Variants in ABCD2 observed in about 807,000 individuals in gnomAD.
ABCD2 encodes the protein ATP binding cassette subfamily D member 2.
In ABCD2, 36 loss-of-function variants were observed where a neutral mutation model predicts 70.9. The observed-to-expected ratio is 0.51, with a 90% CI of 0.39 to 0.67. The LOEUF (loss-of-function observed/expected upper bound fraction) is 0.67. Ranked by LOEUF, ABCD2 falls within the 30% of genes least tolerant of loss-of-function variation. ABCD2 has a pLI of 0.00. For missense variants in ABCD2, 729 were observed against 890.2 expected, an observed-to-expected ratio of 0.82 and a Z score of 2.30; for synonymous variants, 304 against 306.9, an observed-to-expected ratio of 0.99 and a Z score of 0.10.
At chr12:39,602,758 G>T (rs1266752162) in intron 5 of ABCD2, among the ~76,000 whole-genome samples, 1 of 151,934 alleles carries the variant, frequency 6.6e-6, no homozygotes, top group Non-Finnish European at 1.5e-5. Flanking sequence ...AGTGTGATAT[G>T]CCCACACTAA....
intron 9 of ABCD2, among the ~76,000 whole-genome samples, chr12:39,561,518 T>C (rs1009649568): frequency 2.0e-5 from 3 of 152,138 alleles, no homozygotes; most frequent in African/African-American, 7.2e-5. Context: ...AAAAGATATT[T>C]TATCCAAATG....
At chr12:39,610,422 A>G (rs1334121050) in intron 2 of ABCD2, among the ~76,000 whole-genome samples, 1 of 152,218 alleles carries the variant, frequency 6.6e-6, no homozygotes, top group African/African-American at 2.4e-5. Context: ...TTACATAAAT[A>G]GACTGGGAAC....
At chr12:39,565,101 T>C (rs951387328) in intron 9 of ABCD2, among the ~76,000 whole-genome samples, 6 of 152,230 alleles carry the variant, frequency 3.9e-5, no homozygotes, top group African/African-American at 7.2e-5. Flanking sequence ...AGGATCGACT[T>C]GGCAATATGG....
Position 39,618,748 on chromosome 12 carries a change from C to T in ABCD2, c.868G>A (p.Gly290Ser). The change falls in exon 1 of 10, where the codon GGC (glycine) becomes AGC (serine). Residue 290 changes from glycine (G) to serine (S), a missense_variant. Gly to Ser is a moderately conservative substitution (Grantham distance 56). Transcript: ENST00000308666. ...CTCGAGTGCACATACCGCAAATAGCCTTTTCTATGTGCTTCCTCTGCCACC... is the reference window on the plus strand; with the variant it reads ...CTCGAGTGCACATACCGCAAATAGCTTTTTCTATGTGCTTCCTCTGCCACC... ...KLVAEEAHRK[G>S]YLRYVHSRII... The T allele has an allele frequency of 3.1e-6, 5 of 1,614,180 alleles. No individual in the cohort carries two copies. The highest frequency in any genetic ancestry group is 4.2e-6 in the Non-Finnish European group (5 of 1,180,030).
At chr12:39,585,908 CTG>C (rs1941658166) in intron 7 of ABCD2, among the ~76,000 whole-genome samples, 2 of 152,078 alleles carry the variant, frequency 1.3e-5, no homozygotes, top group Admixed American at 6.6e-5. Context: ...AAGAAAAAAA[CTG>C]TTTTTAAATG....
intron 9 of ABCD2, among the ~76,000 whole-genome samples, chr12:39,554,912 T>A (rs1941139663): frequency 6.6e-6 from 1 of 152,296 alleles, no homozygotes; most frequent in South Asian, 2.1e-4. Flanking sequence ...TATTCTTATG[T>A]GTCCTCAATT....
intron 6 of ABCD2, among the ~76,000 whole-genome samples, chr12:39,589,662 C>G (rs1034391124): frequency 1.2e-4 from 18 of 152,072 alleles, no homozygotes; most frequent in African/African-American, 4.1e-4. Context: ...GCTGGGATTA[C>G]AGGTGTGAGC....
intron 9 of ABCD2, among the ~76,000 whole-genome samples, chr12:39,566,224 C>T (rs932718302): frequency 6.6e-6 from 1 of 152,106 alleles, no homozygotes; most frequent in African/African-American, 2.4e-5. Context: ...CTCCTTGTAC[C>T]TCTGGTAGAA....
chr12:39,587,303 A>G (rs1234462061), intron 6 of ABCD2, among the ~76,000 whole-genome samples: 2 of 152,200 alleles, frequency 1.3e-5, no homozygotes, highest in African/African-American at 4.8e-5. Flanking sequence ...GCAAAATGCA[A>G]AAGTAGACTT....
chr12:39,603,467 A>G (rs1941928113), intron 5 of ABCD2, among the ~76,000 whole-genome samples: 1 of 152,134 alleles, frequency 6.6e-6, no homozygotes, highest in South Asian at 2.1e-4. Context: ...TTATTTTATA[A>G]TAGTACATTA....
rs1253350593 is a variant in ABCD2, at chr12:39,551,578, A to G, written c.*2334T>C. The G allele has an allele frequency of 1.3e-5, 2 of 151,826 alleles. No homozygotes were observed. The highest frequency in any genetic ancestry group is 2.4e-5 in the African/African-American group (1 of 41,420). The allele number at this position is 151,826 out of a possible 1,614,324, so 9.4% of individuals were successfully genotyped here. On this transcript the variant is annotated 3_prime_UTR_variant, in exon 10 of 10. Transcript: ENST00000308666. ...AAGTTAAGGATGTTGGTCCTGAAAA[A>G]TAAATTCAGAAAACAAATAGGCACA...
rs550326502 is a variant in ABCD2, at chr12:39,563,180, A to G, written c.2004-9049T>C. ...CATAGCTCAACAAAATAAAGACCATATGTGACAAGCCCACAGCTAACATCT... is the reference window on the plus strand; with the variant it reads ...CATAGCTCAACAAAATAAAGACCATGTGTGACAAGCCCACAGCTAACATCT... On this transcript the variant is annotated intron_variant, in intron 9 of 9. Transcript: ENST00000308666. Among the ~76,000 whole-genome samples the G allele has an allele frequency of 2.2e-4, 33 of 152,284 alleles. No homozygotes were observed. The South Asian group carries it at 6.8e-3, about 32-fold the overall frequency.
chr12:39,619,420 G>A lies in ABCD2; in HGVS notation c.196C>T (p.Leu66=), dbSNP rs754020573. ...TCACAAATGGTCTCGGTGCAATGCAGTATTTCTGTGTTCTCTGCAGCAGGG... is the reference window on the plus strand; with the variant it reads ...TCACAAATGGTCTCGGTGCAATGCAATATTTCTGTGTTCTCTGCAGCAGGG... The part of the protein sequence containing the change: ...AYPAAENTEI[L]HCTETICEKP... Residue 66 remains leucine (L), a synonymous_variant, in exon 1 of 10, where the codon CTG becomes TTG. Transcript: ENST00000308666. The A allele has an allele frequency of 1.2e-6, 2 of 1,614,110 alleles. No individual in the cohort carries two copies. Among genetic ancestry groups the A allele is most frequent in the South Asian group, 2.2e-5 (2 of 91,078 alleles).
rs199560381 is a variant in ABCD2, at chr12:39,559,378, C to CAA, written c.2004-5249_2004-5248dup. ...GGTGACAAGAGTGAGACTCCAGCTC[C>CAA]AAAAAAAAAAAAAAAAAAAAAAAGG... is the stretch of plus-strand genomic sequence containing the variant. On this transcript the variant is annotated intron_variant, in intron 9 of 9. Transcript: ENST00000308666. 9.3e-3 allele frequency among the ~76,000 whole-genome samples: 553 copies of CAA among 59,488 alleles called. 3 individuals are homozygous for CAA. The highest frequency in any genetic ancestry group is 0.026 in the East Asian group (43 of 1,686). 39.0% of individuals were successfully genotyped at this position (59,488 alleles called of 152,430 possible).
intron 9 of ABCD2, among the ~76,000 whole-genome samples, chr12:39,564,107 T>C (rs1288937898): frequency 6.6e-6 from 1 of 152,230 alleles, no homozygotes; most frequent in Non-Finnish European, 1.5e-5. Context: ...TGTGTCTTTA[T>C]AGCAGCATGA....
intron 9 of ABCD2, among the ~76,000 whole-genome samples, chr12:39,570,454 T>G (rs772715419): frequency 1.2e-4 from 19 of 152,198 alleles, no homozygotes; most frequent in Non-Finnish European, 2.5e-4. Context: ...CAACTGATTT[T>G]CAACAAAGTT....
At chr12:39,538,654 T>C in the ABCD2 span, among the ~76,000 whole-genome samples, 1 of 152,134 alleles carries the variant, frequency 6.6e-6, no homozygotes, top group African/African-American at 2.4e-5. Context: ...AGGGGATAAG[T>C]GAGAAATTCT....
At position 39,604,913 on chromosome 12, in the gene ABCD2, G is replaced by T. The variant is rs11172792; in HGVS notation, c.1254C>A (p.Gly418=). The change falls in exon 4 of 10, where the codon GGC becomes GGA. Residue 418 remains glycine (G), a synonymous_variant. Coordinates refer to ENST00000308666, the MANE Select transcript of ABCD2 (RefSeq NM_005164.4). ...ACATATTGTACACTCGAGCAGTGTA[G>T]CCTGCTAATTCAGTGACCTAAAAGC... ...SSYKEVTELA[G]YTARVYNMFW... is the part of the protein sequence containing the mutation. The T allele has an allele frequency of 6.3e-7, 1 of 1,594,822 alleles. No individual in the cohort carries two copies. The highest frequency in any genetic ancestry group is 8.5e-7 in the Non-Finnish European group (1 of 1,173,822).
chr12:39,550,471 C>G lies in ABCD2; in HGVS notation c.*3441G>C, dbSNP rs1941071996. 1 of 151,710 alleles carries G rather than the reference C, an allele frequency of 6.6e-6. No individual in the cohort carries two copies. Among genetic ancestry groups the G allele is most frequent in the South Asian group, 2.1e-4 (1 of 4,830 alleles). 9.4% of individuals were successfully genotyped at this position (151,710 alleles called of 1,614,324 possible). A position where few individuals can be genotyped will look rare whatever the true frequency, so the allele number is the denominator to read the frequency against. On this transcript the variant is annotated 3_prime_UTR_variant, in exon 10 of 10. Coordinates refer to ENST00000308666, the MANE Select transcript of ABCD2 (RefSeq NM_005164.4). Reference sequence around the variant, plus strand: ...CTCATTCATTTTCATTAATACAATTCTGGCTTATAAATAGACCATTGGTTT... The same window carrying G: ...CTCATTCATTTTCATTAATACAATTGTGGCTTATAAATAGACCATTGGTTT...
Sources: gnomAD v4.1 joint callset for allele counts (sites outside exome capture counted in the v4.1 genomes callset) on GRCh38, gnomAD v4.1.1 for gene constraint, MANE v1.5 for transcripts, NCBI Gene and HGNC (gene_info 2026-07-23, HGNC 2026-07-21) for gene names.